SV2B: variants seen among roughly 807,000 people sequenced by gnomAD.
SV2B encodes synaptic vesicle glycoprotein 2B.
Under a neutral mutation model 73.9 loss-of-function variants are expected in SV2B, and 41 were observed. The observed-to-expected ratio is 0.56, with a 90% CI of 0.43 to 0.72. SV2B has a LOEUF of 0.72. SV2B is among the 30% of genes least tolerant of loss of function. The pLI is 0.00. For synonymous variants in SV2B, 314 were observed against 314.2 expected, an observed-to-expected ratio of 1.00 and a Z score of 0.01; for missense variants, 764 against 857.8, an observed-to-expected ratio of 0.89 and a Z score of 1.37.
At chr15:91,127,025 A>G (rs575288526) in intron 1 of SV2B, among the ~76,000 whole-genome samples, 19 of 152,354 alleles carry the variant, frequency 1.2e-4, no homozygotes, top group African/African-American at 3.1e-4. Flanking sequence ...CTTGGACTCA[A>G]ATGATAGCTC....
In SV2B at chr15:91,261,945, T is replaced by C. The variant is rs1009784205; in HGVS notation, c.1008+1536T>C. 1.1e-4 allele frequency among the ~76,000 whole-genome samples: 16 copies of C among 152,230 alleles called. No homozygotes were observed. Among genetic ancestry groups the C allele is most frequent in the African/African-American group, 3.6e-4 (15 of 41,450 alleles). On this transcript the variant is annotated intron_variant, in intron 6 of 12. Coordinates refer to ENST00000394232, the MANE Select transcript of SV2B (RefSeq NM_001323032.3). The surrounding 1 kb of genome is among the most constrained non-coding windows in gnomAD (Gnocchi z 4.7). ...AACTTCCCCTACTTCAAATCCATTT[T>C]CTCAAGGAAACCTTCCTGGAGTAAC...
At position 91,225,931 on chromosome 15, in the gene SV2B, C is replaced by T. The variant is rs114012404; in HGVS notation, c.-333C>T. 2,198 of 336,334 alleles carry T rather than the reference C, an allele frequency of 6.5e-3. 44 individuals carry two copies. Among genetic ancestry groups the T allele is most frequent in the African/African-American group, 0.043 (1,929 of 45,248 alleles). 20.8% of individuals were successfully genotyped at this position (336,334 alleles called of 1,614,324 possible). On this transcript the variant is annotated 5_prime_UTR_variant, in exon 2 of 13. Transcript: ENST00000394232. ...AGCACGCAGTCTGCCAAGTCCTGCTCGCTCCCTGTCAAGAAAAACAGCTGG... is the reference window on the plus strand; with the variant it reads ...AGCACGCAGTCTGCCAAGTCCTGCTTGCTCCCTGTCAAGAAAAACAGCTGG...
At chr15:91,160,312 T>G (rs1203359940) in intron 1 of SV2B, among the ~76,000 whole-genome samples, 3 of 152,200 alleles carry the variant, frequency 2.0e-5, no homozygotes, top group East Asian at 3.9e-4. Flanking sequence ...CTGTACCAGA[T>G]ATTAAAATAT....
intron 10 of SV2B, among the ~76,000 whole-genome samples, chr15:91,282,147 G>A (rs929505540): frequency 5.9e-5 from 9 of 152,194 alleles, no homozygotes; most frequent in East Asian, 1.9e-4. Flanking sequence ...TGCTATACAC[G>A]AAGGGTCTTT....
rs551018874 is a variant in SV2B at position 91,118,962 on chromosome 15, G to C, written c.-392+18599G>C. On this transcript the variant is annotated intron_variant, in intron 1 of 12. Coordinates refer to ENST00000394232, the MANE Select transcript of SV2B (RefSeq NM_001323032.3). This position sits in a 1 kb window ranked among gnomAD's most constrained non-coding sequence, Gnocchi z 4.7. ...GTCTCGGCTTGGAGGCAGGGCCTGT[G>C]GGGGTGGGCGTGCTGGCTGATCCGC... Among the ~76,000 whole-genome samples, 5 of 152,180 alleles carry C rather than the reference G, an allele frequency of 3.3e-5. No individual in the cohort carries two copies. The highest frequency in any genetic ancestry group is 2.6e-4 in the Admixed American group (4 of 15,274).
intron 1 of SV2B, among the ~76,000 whole-genome samples, chr15:91,109,480 G>C (rs1596411557): frequency 6.6e-6 from 1 of 152,224 alleles, no homozygotes; most frequent in African/African-American, 2.4e-5. Flanking sequence ...ATCATTTCAT[G>C]AGAGAAACCT....
chr15:91,270,883 TTGTGGATGATGGGAGGACGGTGAGTCC>T (rs1567417854), intron 9 of SV2B, among the ~76,000 whole-genome samples: 4 of 60,680 alleles, frequency 6.6e-5, no homozygotes, highest in East Asian at 8.0e-4. Flanking sequence ...ACGGTGAATC[TTGTGGATGATGGGAGGACGGTGAGTCC>T]TGTGGACGAT....
rs1269751899 is a variant in SV2B at position 91,118,770 on chromosome 15, A to T, written c.-392+18407A>T. Among the ~76,000 whole-genome samples, 1 of 152,370 alleles carries T rather than the reference A, an allele frequency of 6.6e-6. No individual in the cohort carries two copies. Among genetic ancestry groups the T allele is most frequent in the South Asian group, 2.1e-4 (1 of 4,834 alleles). ...CAGGGAGGGACATCTCTCTGTCATC[A>T]TCATCATAATAGCTCTTGCTGTGAT... On this transcript the variant is annotated intron_variant, in intron 1 of 12. Transcript: ENST00000394232. This position sits in a 1 kb window ranked among gnomAD's most constrained non-coding sequence, Gnocchi z 4.7.
intron 1 of SV2B, among the ~76,000 whole-genome samples, chr15:91,216,314 G>A (rs1033169138): frequency 2.0e-5 from 3 of 152,186 alleles, no homozygotes; most frequent in African/African-American, 7.2e-5. Context: ...AACTCAAGCA[G>A]TCAGTCGGTA....
chr15:91,180,953 G>T (rs1005088218), intron 1 of SV2B, among the ~76,000 whole-genome samples: 13 of 152,334 alleles, frequency 8.5e-5, no homozygotes, highest in African/African-American at 2.6e-4. Context: ...CGTTCCTTTG[G>T]AGGAGGAGAG....
chr15:91,279,306 G>A (rs1426061620), intron 9 of SV2B, among the ~76,000 whole-genome samples: 1 of 152,230 alleles, frequency 6.6e-6, no homozygotes, highest in Non-Finnish European at 1.5e-5. Context: ...TGACTTTGGT[G>A]TAGCTTAAAT....
chr15:91,242,664 T>C lies in SV2B; in HGVS notation c.452-9155T>C, dbSNP rs763466271. Among the ~76,000 whole-genome samples, 2 of 151,998 alleles carry C rather than the reference T, an allele frequency of 1.3e-5. No homozygotes were observed. The highest frequency in any genetic ancestry group is 2.1e-4 in the South Asian group (1 of 4,820). On this transcript the variant is annotated intron_variant, in intron 2 of 12. Coordinates refer to ENST00000394232, the MANE Select transcript of SV2B (RefSeq NM_001323032.3). The surrounding 1 kb of genome is among the most constrained non-coding windows in gnomAD (Gnocchi z 4.9). ...AGCATAGGACATCAGTATCCAGGGG[T>C]TGCTTAATACTTGATAAAAGGGTGA...
chr15:91,143,463 C>T (rs977925286), intron 1 of SV2B, among the ~76,000 whole-genome samples: 1 of 152,066 alleles, frequency 6.6e-6, no homozygotes, highest in Non-Finnish European at 1.5e-5. Flanking sequence ...AAGTTTGTCA[C>T]GAAATATCTC....
rs903198684 is a variant in SV2B at position 91,301,059 on chromosome 15, C to G, written c.*8507C>G. 2 of 152,210 alleles carry G rather than the reference C, an allele frequency of 1.3e-5. No individual in the cohort carries two copies. Among genetic ancestry groups the G allele is most frequent in the African/African-American group, 4.8e-5 (2 of 41,442 alleles). 9.4% of individuals were successfully genotyped at this position (152,210 alleles called of 1,614,324 possible). The stretch of plus-strand genomic sequence containing the variant: ...CATTACGTTTCCCAGTCCCATGTCA[C>G]ATTGACCAGTCCTGTGGTCCTATGG... On this transcript the variant is annotated 3_prime_UTR_variant, in exon 13 of 13. Transcript: ENST00000394232. The surrounding 1 kb of genome is among the most constrained non-coding windows in gnomAD (Gnocchi z 4.3).
intron 1 of SV2B, among the ~76,000 whole-genome samples, chr15:91,176,548 C>A (rs1259424381): frequency 2.6e-5 from 4 of 152,256 alleles, no homozygotes; most frequent in South Asian, 4.2e-4. Context: ...CCTCTCCAGT[C>A]CCTGTTGTTT....
intron 1 of SV2B, among the ~76,000 whole-genome samples, chr15:91,158,047 C>G (rs1409971732): frequency 6.6e-6 from 1 of 152,144 alleles, no homozygotes. Flanking sequence ...CTATGGGCTT[C>G]CCTCTCTTGT....
At chr15:91,151,384 G>C (rs1306230536) in intron 1 of SV2B, among the ~76,000 whole-genome samples, 1 of 152,170 alleles carries the variant, frequency 6.6e-6, no homozygotes, top group Non-Finnish European at 1.5e-5. Context: ...TATTTTGAAA[G>C]ATAAAGAGTA....
Position 91,243,113 on chromosome 15 carries a change from A to G in SV2B, c.452-8706A>G, listed in dbSNP as rs896624060. On this transcript the variant is annotated intron_variant, in intron 2 of 12. Coordinates refer to ENST00000394232, the MANE Select transcript of SV2B (RefSeq NM_001323032.3). ...CTTATGAGACCCCTGGACTATTCCT[A>G]TATCTCATCAGACACAATATTCCAC... Among the ~76,000 whole-genome samples the G allele has an allele frequency of 4.6e-5, 7 of 152,274 alleles. No homozygotes were observed. In the South Asian group the frequency reaches 6.2e-4, roughly 14 times the overall value.
chr15:91,168,301 C>CGAGAGAGACAGAGAGAGAGA (rs1555476037), intron 1 of SV2B, among the ~76,000 whole-genome samples: 7 of 137,200 alleles, frequency 5.1e-5, no homozygotes, highest in Non-Finnish European at 1.1e-4. Flanking sequence ...TGGTGAGATA[C>CGAGAGAGACAGAGAGAGAGA]GAGAGAGAGA....
Sources: gnomAD v4.1 joint callset for allele counts (sites outside exome capture counted in the v4.1 genomes callset) on GRCh38, gnomAD v4.1.1 for gene constraint, Gnocchi (gnomAD v3.1) non-coding constraint, MANE v1.5 for transcripts, NCBI Gene and HGNC (gene_info 2026-07-23, HGNC 2026-07-21) for gene names.